CLBA1: variants seen among roughly 807,000 people sequenced by gnomAD.
The protein encoded by CLBA1 is clathrin binding box of aftiphilin containing 1.
In CLBA1, 30 loss-of-function variants were observed where a neutral mutation model predicts 28.8. The ratio of observed to expected loss-of-function variants is 1.04; its 90% CI spans 0.78 to 1.41. The LOEUF is 1.41. Ranked by LOEUF, CLBA1 falls within the 40% of genes most tolerant of loss-of-function variation. The pLI, the probability that CLBA1 is intolerant of heterozygous loss-of-function variation, is 0.00. For missense variants in CLBA1, 451 were observed against 412.3 expected (o/e 1.09, Z -0.81); for synonymous variants, 160 against 152.8 (o/e 1.05, Z -0.35).
intron 2 of CLBA1, among the ~76,000 whole-genome samples, chr14:105,000,786 G>A (rs549082649): frequency 1.3e-5 from 2 of 152,172 alleles, no homozygotes; most frequent in Admixed American, 6.5e-5. Flanking sequence ...GAATGCTTGT[G>A]CACTGTTGGT....
At chr14:104,991,823 C>T (rs1900031672) in intron 3 of CLBA1, among the ~76,000 whole-genome samples, 1 of 152,190 alleles carries the variant, frequency 6.6e-6, no homozygotes, top group Admixed American at 6.5e-5. Flanking sequence ...AAGCCTAGAG[C>T]AGGAGGTGGG....
At chr14:104,989,967 G>A in intron 2 of CLBA1, 1 of 295,876 alleles carries the variant, frequency 3.4e-6, no homozygotes. Context: ...CCTCTACAGG[G>A]GCTTGAGGAC....
In CLBA1 at chr14:104,986,566, TCTC is replaced by T. The variant is rs1432961068; in HGVS notation, c.138_140del (p.Leu47del). On this transcript the variant is annotated inframe_deletion, in exon 1 of 5. Coordinates refer to ENST00000547315, the MANE Select transcript of CLBA1 (RefSeq NM_174891.4). The stretch of plus-strand genomic sequence containing the variant: ...AATGGAGACGGACCTGCCCCGACCT[TCTC>T]CTGTCCGATGGGAAAGCCAGCATCT... The T allele has an allele frequency of 2.5e-6, 4 of 1,613,732 alleles. No homozygotes were observed. Among genetic ancestry groups the T allele is most frequent in the African/African-American group, 1.3e-5 (1 of 74,824 alleles).
downstream of CLBA1, among the ~76,000 whole-genome samples, chr14:104,997,302 G>T (rs1900172578): frequency 6.6e-6 from 1 of 152,164 alleles, no homozygotes; most frequent in Non-Finnish European, 1.5e-5. Context: ...CTTGAAGATT[G>T]GTCACTAAAG....
intron 1 of CLBA1, among the ~76,000 whole-genome samples, chr14:104,988,390 TGGCACAATCTC>T (rs1213178743): frequency 6.6e-6 from 1 of 150,496 alleles, no homozygotes; most frequent in Non-Finnish European, 1.5e-5. Context: ...TGGAGTGCAG[TGGCACAATCTC>T]GGCTCACTGC....
Position 104,994,665 on chromosome 14 carries a change from C to T in CLBA1, c.884C>T (p.Ser295Leu), listed in dbSNP as rs759122904. The change falls in exon 5 of 5, where the codon TCA (serine) becomes TTA (leucine). Residue 295 changes from serine (S) to leucine (L), a missense_variant. Transcript: ENST00000547315. ...TGCAGCCGCTTCCTGAAGACCCCCT[C>T]ATGCGGAGGTGGCCAGCACATCACT... ...MTCSRFLKTPSCGGGQHITIP... is the reference protein window; with the variant it reads ...MTCSRFLKTPLCGGGQHITIP... 1 of 1,614,052 alleles carries T rather than the reference C, an allele frequency of 6.2e-7. No homozygotes were observed. Among genetic ancestry groups the T allele is most frequent in the Non-Finnish European group, 8.5e-7 (1 of 1,179,984 alleles).
chr14:104,992,914 T>A, intron 3 of CLBA1, 34 bp from the exon 4 acceptor site: 1 of 1,497,246 alleles, frequency 6.7e-7, no homozygotes, highest in Non-Finnish European at 9.3e-7. Flanking sequence ...AAATGATGAC[T>A]GTACCGGCTG....
In CLBA1 at chr14:104,986,201, G is replaced by A; in HGVS notation, c.-231G>A. 4 of 580,440 alleles carry A rather than the reference G, an allele frequency of 6.9e-6. No individual in the cohort carries two copies. Among genetic ancestry groups the A allele is most frequent in the Non-Finnish European group, 1.2e-5 (4 of 325,726 alleles). 36.0% of individuals were successfully genotyped at this position (580,440 alleles called of 1,614,324 possible). ...GACTCCGCGCCCGCCTGCGTGGGAGGAAGCCAGGACTCCCGGGCGACCGGG... is the reference window on the plus strand; with the variant it reads ...GACTCCGCGCCCGCCTGCGTGGGAGAAAGCCAGGACTCCCGGGCGACCGGG... On this transcript the variant is annotated 5_prime_UTR_variant, in exon 1 of 5. Coordinates refer to ENST00000547315, the MANE Select transcript of CLBA1 (RefSeq NM_174891.4).
At chr14:104,988,325 T>C (rs936643170) in intron 1 of CLBA1, among the ~76,000 whole-genome samples, 22 of 147,702 alleles carry the variant, frequency 1.5e-4, no homozygotes, top group Non-Finnish European at 3.0e-4. Flanking sequence ...TACTGTAGTA[T>C]GTATAATTTC....
chr14:104,987,789 T>TTATATA (rs5811162), intron 1 of CLBA1, among the ~76,000 whole-genome samples: 1 of 144,948 alleles, frequency 6.9e-6, no homozygotes, highest in East Asian at 2.0e-4. Context: ...GGCTAACTTT[T>TTATATA]TATATATATA....
At chr14:104,988,507 T>C (rs2140894662) in intron 1 of CLBA1, among the ~76,000 whole-genome samples, 1 of 152,084 alleles carries the variant, frequency 6.6e-6, no homozygotes, top group African/African-American at 2.4e-5. Context: ...ACCCAGCTAA[T>C]TTTTGTATTT....
rs1008438617 is a variant in CLBA1, at chr14:104,992,054, GCA to G, written c.699+438_699+439del. Among the ~76,000 whole-genome samples the G allele has an allele frequency of 4.8e-4, 55 of 114,830 alleles. 1 individual carries two copies. Among genetic ancestry groups the G allele is most frequent in the Admixed American group, 2.7e-3 (28 of 10,386 alleles). 75.3% of individuals were successfully genotyped at this position (114,830 alleles called of 152,430 possible). The stretch of plus-strand genomic sequence containing the variant: ...CACGCCGCCACGCACACGCCACCAC[GCA>G]CACGCCGCCACGCACACCCCGCCAC... On this transcript the variant is annotated intron_variant, in intron 3 of 4. Coordinates refer to ENST00000547315, the MANE Select transcript of CLBA1 (RefSeq NM_174891.4).
In CLBA1 at chr14:104,985,908, G is replaced by A; in HGVS notation, c.-524G>A. ...GTGCGGGGACTCTCGGGAGCCGTGG[G>A]CCAGGCGCTTAGCCGGCCACCTCGG... is the stretch of plus-strand genomic sequence containing the variant. On this transcript the variant is annotated 5_prime_UTR_variant, in exon 1 of 5. Coordinates refer to ENST00000547315, the MANE Select transcript of CLBA1 (RefSeq NM_174891.4). The A allele has an allele frequency of 9.7e-6, 2 of 207,030 alleles. No individual in the cohort carries two copies. Among genetic ancestry groups the A allele is most frequent in the Non-Finnish European group, 1.0e-5 (1 of 96,828 alleles). The allele number at this position is 207,030 out of a possible 1,614,324, so 12.8% of individuals were successfully genotyped here. A position where few individuals can be genotyped will look rare whatever the true frequency, so the allele number is the denominator to read the frequency against.
chr14:104,995,099 G>C lies in CLBA1; in HGVS notation c.*340G>C, dbSNP rs911713893. ...GGACCCTGGGCATGGCTTCTGGGCT[G>C]CTTAGTCCAGGGGGAGCAACTTGTG... is the stretch of plus-strand genomic sequence containing the variant. On this transcript the variant is annotated 3_prime_UTR_variant, in exon 5 of 5. Transcript: ENST00000547315. 1 of 1,011,774 alleles carries C rather than the reference G, an allele frequency of 9.9e-7. No individual in the cohort carries two copies. The highest frequency in any genetic ancestry group is 1.2e-6 in the Non-Finnish European group (1 of 847,582). 62.7% of individuals were successfully genotyped at this position (1,011,774 alleles called of 1,614,324 possible).
intron 4 of CLBA1, chr14:104,993,496 C>G: frequency 1.0e-6 from 1 of 985,438 alleles, no homozygotes; most frequent in African/African-American, 1.7e-5. Flanking sequence ...GCCGCTTACC[C>G]TACACAGGGT....
chr14:104,994,343 C>T (rs1391869753), intron 4 of CLBA1: 33 of 985,338 alleles, frequency 3.3e-5, no homozygotes, highest in Non-Finnish European at 3.7e-5. Flanking sequence ...AGAGACCCCG[C>T]CTAAGATGTG....
At chr14:104,996,241 G>A (rs1464976953), downstream of CLBA1, among the ~76,000 whole-genome samples, 2 of 152,214 alleles carry the variant, frequency 1.3e-5, no homozygotes, top group African/African-American at 4.8e-5. Flanking sequence ...CACTAGAGAA[G>A]AGAGGCCCTG....
At chr14:104,996,582 GC>G (rs1263873048), downstream of CLBA1, among the ~76,000 whole-genome samples, 1 of 152,226 alleles carries the variant, frequency 6.6e-6, no homozygotes, top group Non-Finnish European at 1.5e-5. Context: ...CGGGAGGCAA[GC>G]CCCCAAAGGC....
intron 1 of CLBA1, among the ~76,000 whole-genome samples, chr14:104,987,157 G>A (rs1486849276): frequency 1.3e-5 from 2 of 152,268 alleles, no homozygotes; most frequent in African/African-American, 4.8e-5. Context: ...CATTGGTGGG[G>A]GCTGCACTGG....
Sources: allele counts gnomAD v4.1 joint callset (sites outside exome capture counted in the v4.1 genomes callset), GRCh38; gene constraint gnomAD v4.1.1; transcripts MANE v1.5; gene names NCBI Gene and HGNC (gene_info 2026-07-23, HGNC 2026-07-21).